The following ZNF260 variants were observed in gnomAD, a reference collection of about 807,000 sequenced individuals.
ZNF260 encodes the protein zfp-260.
In ZNF260, 21 loss-of-function variants were observed where a neutral mutation model predicts 29.3. That is an observed-to-expected ratio of 0.72 (90% CI 0.51 to 1.03). The LOEUF is 1.03. Ranked by LOEUF, ZNF260 falls within the 50% of genes least tolerant of loss-of-function variation. The pLI, the probability that ZNF260 is intolerant of heterozygous loss-of-function variation, is 0.00. For missense variants in ZNF260, 465 were observed against 487.8 expected, an observed-to-expected ratio of 0.95 and a Z score of 0.44; for synonymous variants, 156 against 156.8, an observed-to-expected ratio of 0.99 and a Z score of 0.04.
rs1484055815 is a variant in ZNF260, at chr19:36,514,202, G to A, written c.1037C>T (p.Ser346Phe). 1 of 1,614,066 alleles carries A rather than the reference G, an allele frequency of 6.2e-7. No individual in the cohort carries two copies. The highest frequency in any genetic ancestry group is 1.1e-5 in the South Asian group (1 of 91,080). The change falls in exon 3 of 3, where the codon TCT becomes TTT. Residue 346 changes from serine to phenylalanine, a missense_variant. Physicochemically the swap from Ser to Phe is radical, Grantham distance 155. Coordinates refer to ENST00000523638, the MANE Select transcript of ZNF260 (RefSeq NM_001166037.2). ...VCGKAFCQSS[S>F]LTVHMRSHTG... Reference sequence around the variant, plus strand: ...ATGGCTTCTCATATGCACAGTAAGAGATGAGCTTTGACAGAAGGCTTTCCC... The same window carrying A: ...ATGGCTTCTCATATGCACAGTAAGAAATGAGCTTTGACAGAAGGCTTTCCC...
intron 1 of ZNF260, among the ~76,000 whole-genome samples, chr19:36,526,700 GA>G (rs966154838): frequency 1.3e-5 from 2 of 151,442 alleles, no homozygotes; most frequent in East Asian, 1.9e-4. Flanking sequence ...ATCATGACAA[GA>G]AAAAAAAATC....
chr19:36,516,988 G>C (rs1434575299), intron 2 of ZNF260, among the ~76,000 whole-genome samples: 2 of 152,200 alleles, frequency 1.3e-5, no homozygotes, highest in African/African-American at 4.8e-5. Context: ...GAACAGAAAA[G>C]TTTAAATAAG....
intron 2 of ZNF260, among the ~76,000 whole-genome samples, chr19:36,523,757 T>C (rs1419870802): frequency 6.6e-6 from 1 of 151,902 alleles, no homozygotes; most frequent in African/African-American, 2.4e-5. Flanking sequence ...TTTGTATTTT[T>C]AGTAGAGACT....
chr19:36,524,391 G>A (rs1337448017), intron 2 of ZNF260, among the ~76,000 whole-genome samples: 1 of 151,910 alleles, frequency 6.6e-6, no homozygotes, highest in Non-Finnish European at 1.5e-5. Flanking sequence ...GTGTTAGCCA[G>A]GATGGTCGTG....
Position 36,510,781 on chromosome 19 carries a change from T to A in ZNF260, c.*3219A>T, listed in dbSNP as rs1057296634. Reference sequence around the variant, plus strand: ...CGAGGGCAGCTGAATAAATTTACAGTATACAATATTAGAGAATATTATGTT... The same window carrying A: ...CGAGGGCAGCTGAATAAATTTACAGAATACAATATTAGAGAATATTATGTT... On this transcript the variant is annotated 3_prime_UTR_variant, in exon 3 of 3. Transcript: ENST00000523638. 2 of 152,176 alleles carry A rather than the reference T, an allele frequency of 1.3e-5. No individual in the cohort carries two copies. The highest frequency in any genetic ancestry group is 4.8e-5 in the African/African-American group (2 of 41,424). 9.4% of individuals were successfully genotyped at this position (152,176 alleles called of 1,614,324 possible).
intron 2 of ZNF260, among the ~76,000 whole-genome samples, chr19:36,521,542 C>T (rs776454737): frequency 2.0e-5 from 3 of 150,916 alleles, no homozygotes; most frequent in Non-Finnish European, 3.0e-5. Context: ...CACCTGAGGT[C>T]AGGAGTTCGA....
chr19:36,522,253 G>A (rs1407749536), intron 2 of ZNF260, among the ~76,000 whole-genome samples: 15 of 151,900 alleles, frequency 9.9e-5, no homozygotes, highest in Admixed American at 7.2e-4. Flanking sequence ...TCAGGAGTTC[G>A]AGACGAGACT....
intron 1 of ZNF260, among the ~76,000 whole-genome samples, chr19:36,527,585 A>C (rs904889682): frequency 6.6e-6 from 1 of 152,304 alleles, no homozygotes; most frequent in African/African-American, 2.4e-5. Flanking sequence ...GTAGCTTCCA[A>C]ATTCTGTGCC....
chr19:36,514,370 T>C lies in ZNF260; in HGVS notation c.869A>G (p.Tyr290Cys). 1 of 1,613,632 alleles carries C rather than the reference T, an allele frequency of 6.2e-7. No homozygotes were observed. Among genetic ancestry groups the C allele is most frequent in the Non-Finnish European group, 8.5e-7 (1 of 1,179,644 alleles). The change falls in exon 3 of 3, where the codon TAC becomes TGC. Residue 290 changes from tyrosine (Y) to cysteine (C), a missense_variant. Physicochemically the swap from Tyr to Cys is radical, Grantham distance 194. Coordinates refer to ENST00000523638, the MANE Select transcript of ZNF260 (RefSeq NM_001166037.2). ...ECGTIFRQKQ[Y>C]LIKHHNIHTG... ...ATGAATATTGTGATGTTTAATGAGG[T>C]ATTGCTTCTGCCTGAAGATTGTTCC...
Position 36,515,224 on chromosome 19 carries a change from C to A in ZNF260, c.15G>T (p.Leu5Phe), listed in dbSNP as rs2034531020. The change falls in exon 3 of 3, where the codon TTG becomes TTT. Residue 5 changes from leucine to phenylalanine, a missense_variant. By Grantham distance (22) the Leu-to-Phe change is conservative. Transcript: ENST00000523638. Reference protein sequence around the residue: MIGMLESLQHESDLL... With the variant: MIGMFESLQHESDLL... ...GATCTGATTCATGCTGAAGACTTTC[C>A]AACATGCCTATCATGCATGTGAATT... The A allele has an allele frequency of 6.4e-7, 1 of 1,572,564 alleles. No homozygotes were observed. Among genetic ancestry groups the A allele is most frequent in the Non-Finnish European group, 8.6e-7 (1 of 1,158,862 alleles).
At chr19:36,518,954 C>G (rs1022946138) in intron 2 of ZNF260, among the ~76,000 whole-genome samples, 4 of 151,430 alleles carry the variant, frequency 2.6e-5, no homozygotes, top group African/African-American at 9.7e-5. Context: ...TGAGATGGTA[C>G]GATGGCTTGA....
rs1477997637 is a variant in ZNF260, at chr19:36,513,991, T to C, written c.*9A>G. On this transcript the variant is annotated 3_prime_UTR_variant, in exon 3 of 3. Transcript: ENST00000523638. Reference sequence around the variant, plus strand: ...CGTTTTGCTAAATCCAAGGCATTCATAGAGAACTTTAATGAGTATGAATTC... The same window carrying C: ...CGTTTTGCTAAATCCAAGGCATTCACAGAGAACTTTAATGAGTATGAATTC... 6 of 1,602,478 alleles carry C rather than the reference T, an allele frequency of 3.7e-6. No individual in the cohort carries two copies. The highest frequency in any genetic ancestry group is 2.2e-5 in the East Asian group (1 of 44,648).
At chr19:36,525,879 TGA>T (rs1338623290) in intron 1 of ZNF260, among the ~76,000 whole-genome samples, 3 of 152,012 alleles carry the variant, frequency 2.0e-5, no homozygotes, top group African/African-American at 7.2e-5. Context: ...AGAGAAACTA[TGA>T]GAGACTAAGA....
In ZNF260 at chr19:36,515,239, G is replaced by A. The variant is rs1408331790; in HGVS notation, c.-1C>T. 2.6e-6 allele frequency: 4 copies of A among 1,546,332 alleles called. No homozygotes were observed. The highest frequency in any genetic ancestry group is 3.5e-6 in the Non-Finnish European group (4 of 1,147,778). ...GAAGACTTTCCAACATGCCTATCAT[G>A]CATGTGAATTTAATCAGGAGATTTC... On this transcript the variant is annotated 5_prime_UTR_variant, in exon 3 of 3. Transcript: ENST00000523638.
chr19:36,524,517 G>GTTTTTTTTTTTTTTTTT (rs61184857), intron 2 of ZNF260, among the ~76,000 whole-genome samples: 3,670 of 89,820 alleles, frequency 0.041, 511 homozygotes, highest in Non-Finnish European at 0.056. Context: ...TTACATGCTA[G>GTTTTTTTTTTTTTTTTT]TTTTTTTTTT....
Position 36,514,369 on chromosome 19 carries a change from G to A in ZNF260, c.870C>T (p.Tyr290=). ...ECGTIFRQKQ[Y]LIKHHNIHTG... ...TATGAATATTGTGATGTTTAATGAG[G>A]TATTGCTTCTGCCTGAAGATTGTTC... Residue 290 remains tyrosine (Y), a synonymous_variant, in exon 3 of 3, where the codon TAC becomes TAT. Coordinates refer to ENST00000523638, the MANE Select transcript of ZNF260 (RefSeq NM_001166037.2). 1.2e-6 allele frequency: 2 copies of A among 1,613,550 alleles called. No homozygotes were observed. Among genetic ancestry groups the A allele is most frequent in the Non-Finnish European group, 1.7e-6 (2 of 1,179,642 alleles).
chr19:36,516,779 C>T (rs1405032348), intron 2 of ZNF260, among the ~76,000 whole-genome samples: 5 of 152,108 alleles, frequency 3.3e-5, no homozygotes, highest in Non-Finnish European at 1.5e-5. Flanking sequence ...GGGGTTTCAC[C>T]ACGTTGGCCA....
In ZNF260 at chr19:36,511,247, G is replaced by C. The variant is rs932987647; in HGVS notation, c.*2753C>G. ...CATAATCATTCAAAAACATCAGGCCGGGCACGGTGGCTCACGCCTGTAATC... is the reference window on the plus strand; with the variant it reads ...CATAATCATTCAAAAACATCAGGCCCGGCACGGTGGCTCACGCCTGTAATC... On this transcript the variant is annotated 3_prime_UTR_variant, in exon 3 of 3. Transcript: ENST00000523638. 6.6e-6 allele frequency: 1 copy of C among 152,068 alleles called. No homozygotes were observed. The highest frequency in any genetic ancestry group is 2.4e-5 in the African/African-American group (1 of 41,390). 9.4% of individuals were successfully genotyped at this position (152,068 alleles called of 1,614,324 possible). A position where few individuals can be genotyped will look rare whatever the true frequency, so the allele number is the denominator to read the frequency against.
At chr19:36,522,781 CAT>C (rs1248696707) in intron 2 of ZNF260, among the ~76,000 whole-genome samples, 3 of 152,166 alleles carry the variant, frequency 2.0e-5, no homozygotes, top group African/African-American at 2.4e-5. Context: ...CGGAGGAATC[CAT>C]ATGTTTCAGG....
Sources: allele counts gnomAD v4.1 joint callset (sites outside exome capture counted in the v4.1 genomes callset), GRCh38; gene constraint gnomAD v4.1.1; transcripts MANE v1.5; gene names NCBI Gene and HGNC (gene_info 2026-07-23, HGNC 2026-07-21).